Variants in UGT2B11 observed in about 807,000 individuals in gnomAD.
UGT2B11 encodes UDP glucuronosyltransferase family 2 member B11.
UGT2B11 carries 49 observed loss-of-function variants against 51.7 expected under a neutral mutation model. That is an observed-to-expected ratio of 0.95 (90% CI 0.75 to 1.20). UGT2B11 has a LOEUF of 1.20. UGT2B11 is among the 50% of genes most tolerant of loss of function. UGT2B11 has a pLI of 0.00. For synonymous variants in UGT2B11, 273 were observed against 209.0 expected (o/e 1.31, Z -2.64); for missense variants, 810 against 622.1 (o/e 1.30, Z -3.21).
In UGT2B11 at chr4:69,214,213, G is replaced by A. The variant is rs1298229392; in HGVS notation, c.510C>T (p.Tyr170=). Residue 170 remains tyrosine, a synonymous_variant, in exon 1 of 6, where the codon TAC becomes TAT. Transcript: ENST00000446444. ...LAALLNIRFV[Y]SLRFTPGYTI... is the part of the protein sequence containing the mutation. ...TGTAGCCAGGAGTAAAGCGGAGACT[G>A]TACACAAACCGTATGTTAAGTAGCG... The A allele has an allele frequency of 1.2e-6, 2 of 1,613,210 alleles. No individual in the cohort carries two copies. Among genetic ancestry groups the A allele is most frequent in the South Asian group, 2.2e-5 (2 of 91,050 alleles).
At position 69,200,275 on chromosome 4, in the gene UGT2B11, GA is replaced by G; in HGVS notation, c.*164del. The stretch of plus-strand genomic sequence containing the variant: ...ACCATTACCTGGGTGGTAAATCTCT[GA>G]AAAACAAATTTTTACTTGACAAGGT... On this transcript the variant is annotated 3_prime_UTR_variant, in exon 6 of 6. Transcript: ENST00000446444. 1 of 1,139,534 alleles carries G rather than the reference GA, an allele frequency of 8.8e-7. No individual in the cohort carries two copies. The highest frequency in any genetic ancestry group is 1.1e-6 in the Non-Finnish European group (1 of 883,630). The allele number at this position is 1,139,534 out of a possible 1,614,324, so 70.6% of individuals were successfully genotyped here.
upstream of UGT2B11, chr4:69,215,833 T>A (rs1423458290): frequency 6.6e-6 from 1 of 151,460 alleles, no homozygotes; most frequent in Non-Finnish European, 1.5e-5. Context: ...ATAAACACAC[T>A]CCAACAGACC....
chr4:69,207,545 C>A (rs2109946656), intron 3 of UGT2B11, among the ~76,000 whole-genome samples: 1 of 151,650 alleles, frequency 6.6e-6, no homozygotes, highest in Admixed American at 6.6e-5. Context: ...TCCTATATTT[C>A]CTTCTGCTGC....
intron 2 of UGT2B11, among the ~76,000 whole-genome samples, chr4:69,210,319 G>T (rs1396149115): frequency 6.6e-6 from 1 of 151,264 alleles, no homozygotes; most frequent in Admixed American, 6.6e-5. Flanking sequence ...ATGATTTCAC[G>T]TGAATATATT....
chr4:69,214,798 T>G, upstream of UGT2B11: 1 of 1,536,426 alleles, frequency 6.5e-7, no homozygotes, highest in Non-Finnish European at 8.7e-7. Context: ...ATCAATCAAG[T>G]TAAAATATAA....
chr4:69,202,973 A>G (rs1217054581), intron 5 of UGT2B11, among the ~76,000 whole-genome samples: 2 of 151,652 alleles, frequency 1.3e-5, no homozygotes, highest in Non-Finnish European at 3.0e-5. Flanking sequence ...CTCCGCAGGT[A>G]ATTTTTCACA....
Position 69,204,628 on chromosome 4 carries a change from A to C in UGT2B11, c.1112T>G (p.Phe371Cys), listed in dbSNP as rs570747517. The C allele has an allele frequency of 5.0e-6, 8 of 1,611,848 alleles. No individual in the cohort carries two copies. Among genetic ancestry groups the C allele is most frequent in the Non-Finnish European group, 6.8e-6 (8 of 1,178,610 alleles). The stretch of plus-strand genomic sequence containing the variant: ...GCCATTGGCTCCACCATGAGTTATA[A>C]AAGCTCTGGTTTTTGGATGACCTAG... ...DLLGHPKTRA[F>C]ITHGGANGIY... Residue 371 changes from phenylalanine (F) to cysteine (C), a missense_variant, in exon 5 of 6, where the codon TTT becomes TGT. By Grantham distance (205) the Phe-to-Cys change is radical. Transcript: ENST00000446444.
chr4:69,215,437 A>G (rs1303470998), upstream of UGT2B11: 15 of 152,152 alleles, frequency 9.9e-5, no homozygotes, highest in African/African-American at 3.6e-4. Context: ...TTAAAGGACC[A>G]TCCGTAGAAT....
intron 5 of UGT2B11, among the ~76,000 whole-genome samples, chr4:69,202,043 C>T (rs1198332053): frequency 1.3e-5 from 2 of 151,730 alleles, no homozygotes; most frequent in African/African-American, 2.4e-5. Flanking sequence ...ATTAGTTTTG[C>T]TTGTTTATGT....
chr4:69,218,861 G>T (rs933483062), upstream of UGT2B11, among the ~76,000 whole-genome samples: 21 of 152,264 alleles, frequency 1.4e-4, no homozygotes, highest in Middle Eastern at 3.4e-3. Context: ...TTTGTCTGCA[G>T]CTCCATCTCT....
At chr4:69,222,839 A>G in the UGT2B11 span, among the ~76,000 whole-genome samples, 1 of 152,182 alleles carries the variant, frequency 6.6e-6, no homozygotes, top group Non-Finnish European at 1.5e-5. Flanking sequence ...TATAAGGGAC[A>G]TAGTTTGGGT....
rs113129893 is a variant in UGT2B11, at chr4:69,204,569, C to A, written c.1171G>T (p.Val391Leu). The change falls in exon 5 of 6, where the codon GTG becomes TTG. Residue 391 changes from valine to leucine, a missense_variant. Physicochemically the swap from Val to Leu is conservative, Grantham distance 32. Coordinates refer to ENST00000446444, the MANE Select transcript of UGT2B11 (RefSeq NM_001073.3). Reference protein sequence around the residue: ...YEAIYHGIPMVGIPLFFDQPD... With the variant: ...YEAIYHGIPMLGIPLFFDQPD... ...TGATCAAAAAACAATGGAATGCCCACCATAGGGATCCCATGGTAGATTGCC... is the reference window on the plus strand; with the variant it reads ...TGATCAAAAAACAATGGAATGCCCAACATAGGGATCCCATGGTAGATTGCC... 9.9e-6 allele frequency: 16 copies of A among 1,612,198 alleles called. 1 individual carries two copies. The highest frequency in any genetic ancestry group is 6.7e-5 in the African/African-American group (5 of 74,828).
chr4:69,208,332 G>A lies in UGT2B11; in HGVS notation c.1002+19C>T. ...CCTCTTTCAGCAGTTTTCCACACCA[G>A]TAAGGCCCTTTATCTTACCTTTTGT... On this transcript the variant is annotated intron_variant, in intron 3 of 5. Transcript: ENST00000446444. 6.2e-7 allele frequency: 1 copy of A among 1,609,788 alleles called. No individual in the cohort carries two copies. Among genetic ancestry groups the A allele is most frequent in the Non-Finnish European group, 8.5e-7 (1 of 1,177,448 alleles).
upstream of UGT2B11, among the ~76,000 whole-genome samples, chr4:69,219,488 G>GT (rs111299850): frequency 0.22 from 33,308 of 151,736 alleles, 4,235 homozygotes; most frequent in African/African-American, 0.35. Context: ...GGGTTTTATA[G>GT]TTTATGATAC....
chr4:69,213,872 T>C, intron 1 of UGT2B11, 130 bp downstream of exon 1: 1 of 1,273,628 alleles, frequency 7.9e-7, no homozygotes, highest in Non-Finnish European at 1.0e-6. Flanking sequence ...TGATAGATCA[T>C]CTTGTATTTT....
At position 69,200,039 on chromosome 4, in the gene UGT2B11, A is replaced by C. The variant is rs1465438614; in HGVS notation, c.*401T>G. ...GAAGCCAAATTATTCTGAGGATGTG[A>C]CTACTGATACTGTCAGTAGACTTCT... On this transcript the variant is annotated 3_prime_UTR_variant, in exon 6 of 6. Coordinates refer to ENST00000446444, the MANE Select transcript of UGT2B11 (RefSeq NM_001073.3). 2 of 157,458 alleles carry C rather than the reference A, an allele frequency of 1.3e-5. No homozygotes were observed. The highest frequency in any genetic ancestry group is 4.8e-5 in the African/African-American group (2 of 41,474). 9.8% of individuals were successfully genotyped at this position (157,458 alleles called of 1,614,324 possible). A position where few individuals can be genotyped will look rare whatever the true frequency, so the allele number is the denominator to read the frequency against.
At chr4:69,201,215 G>C (rs1721647503) in intron 5 of UGT2B11, 1 of 152,016 alleles carries the variant, frequency 6.6e-6, no homozygotes, top group Non-Finnish European at 1.5e-5. Flanking sequence ...TTTAAGTGCT[G>C]TAAGAAAGAC....
chr4:69,201,351 C>T (rs912100589), intron 5 of UGT2B11: 3 of 151,838 alleles, frequency 2.0e-5, no homozygotes, highest in African/African-American at 7.2e-5. Flanking sequence ...TACTGTTTCC[C>T]ACCCTGTAGC....
In UGT2B11 at chr4:69,214,352, C is replaced by A; in HGVS notation, c.371G>T (p.Arg124Ile). The A allele has an allele frequency of 6.2e-7, 1 of 1,612,536 alleles. No individual in the cohort carries two copies. Among genetic ancestry groups the A allele is most frequent in the East Asian group, 2.2e-5 (1 of 44,780 alleles). Residue 124 changes from arginine to isoleucine, a missense_variant, in exon 1 of 6, where the codon AGA (arginine) becomes ATA (isoleucine). Physicochemically the swap from Arg to Ile is moderately conservative, Grantham distance 97. Transcript: ENST00000446444. ...EILWELYDIF[R>I]NFCKDVVSNK... ...TGAAACTACATCTTTACAGAAGTTT[C>A]TAAATATGTCATATAATTCCCACAG...
Sources: allele counts gnomAD v4.1 joint callset (sites outside exome capture counted in the v4.1 genomes callset), GRCh38; gene constraint gnomAD v4.1.1; transcripts MANE v1.5; gene names NCBI Gene and HGNC (gene_info 2026-07-23, HGNC 2026-07-21).